STPG4: variants seen among roughly 807,000 people sequenced by gnomAD.
STPG4 encodes sperm-tail PG-rich repeat containing 4.
In STPG4, 41 loss-of-function variants were observed where a neutral mutation model predicts 31.5. The ratio of observed to expected loss-of-function variants is 1.30; its 90% CI spans 1.01 to 1.69. The LOEUF is 1.69. Among genes scored for constraint, STPG4 ranks in the 40% most tolerant of loss-of-function variants. STPG4 has a pLI of 0.00. For synonymous variants in STPG4, 141 were observed against 103.0 expected (o/e 1.37, Z -2.24); for missense variants, 375 against 293.4 (o/e 1.28, Z -2.03).
intron 2 of STPG4, 117 bp from the exon 3 acceptor site, chr2:47,151,632 A>G: frequency 2.5e-6 from 2 of 784,510 alleles, no homozygotes; most frequent in Non-Finnish European, 4.2e-6. Context: ...GTTTAATGAA[A>G]TTATATCAAA....
At chr2:47,113,547 TAAAAC>T (rs953877139) in intron 5 of STPG4, among the ~76,000 whole-genome samples, 2 of 152,302 alleles carry the variant, frequency 1.3e-5, no homozygotes, top group Non-Finnish European at 2.9e-5. Flanking sequence ...ACAGTCATAT[TAAAAC>T]AAATCAAACA....
rs376146434 is a variant in STPG4 at position 47,151,208 on chromosome 2, G to A, written c.399+50C>T. ...CTACGTATAAAAATACTTTCCTCAG[G>A]GGCTCTTAGTAGCTTTCCCACACAA... On this transcript the variant is annotated intron_variant, in intron 3 of 6. Transcript: ENST00000445927. 156 of 1,599,622 alleles carry A rather than the reference G, an allele frequency of 9.8e-5. 1 individual carries two copies. Among genetic ancestry groups the A allele is most frequent in the Non-Finnish European group, 1.3e-4 (149 of 1,172,896 alleles).
intron 5 of STPG4, among the ~76,000 whole-genome samples, chr2:47,100,220 C>T (rs991555597): frequency 1.4e-4 from 22 of 152,152 alleles, no homozygotes; most frequent in African/African-American, 2.7e-4. Flanking sequence ...ACGTGGAGAA[C>T]CTTTATGTCT....
At chr2:47,155,069 C>G (rs943974293) in intron 1 of STPG4, 102 bp downstream of exon 1, 6 of 1,091,906 alleles carry the variant, frequency 5.5e-6, no homozygotes, top group South Asian at 1.3e-5. Context: ...GAAGAGGGAA[C>G]GAGAGCGGCA....
intron 5 of STPG4, among the ~76,000 whole-genome samples, chr2:47,114,005 G>A (rs1243015202): frequency 6.6e-6 from 1 of 150,510 alleles, no homozygotes; most frequent in African/African-American, 2.4e-5. Flanking sequence ...CTCCAGCCTG[G>A]GCGACAAAGT....
At chr2:47,122,573 T>A (rs1487687561) in intron 5 of STPG4, among the ~76,000 whole-genome samples, 1 of 152,136 alleles carries the variant, frequency 6.6e-6, no homozygotes, top group Non-Finnish European at 1.5e-5. Context: ...TCTTTTCCTT[T>A]CCCTACTGAC....
intron 5 of STPG4, among the ~76,000 whole-genome samples, chr2:47,116,042 T>C (rs948006104): frequency 9.2e-5 from 14 of 152,170 alleles, no homozygotes; most frequent in African/African-American, 3.4e-4. Flanking sequence ...AACCCAGTCT[T>C]TTTCCTAGGG....
intron 5 of STPG4, among the ~76,000 whole-genome samples, chr2:47,097,034 G>A (rs1663770943): frequency 1.3e-5 from 2 of 152,128 alleles, no homozygotes; most frequent in African/African-American, 4.8e-5. Flanking sequence ...TTGAAGATAG[G>A]GAGGACACAG....
At chr2:47,121,268 G>A (rs149556098) in intron 5 of STPG4, 139 of 154,170 alleles carry the variant, frequency 9.0e-4, no homozygotes, top group African/African-American at 3.2e-3. Flanking sequence ...GTTTAGTTCT[G>A]AGGGGACTGC....
intron 3 of STPG4, among the ~76,000 whole-genome samples, chr2:47,137,983 C>G (rs547059969): frequency 6.6e-6 from 1 of 152,178 alleles, no homozygotes; most frequent in East Asian, 1.9e-4. Flanking sequence ...GACTTCTGCT[C>G]TAATTTTTAT....
chr2:47,104,153 C>T (rs1015294926), intron 5 of STPG4, among the ~76,000 whole-genome samples: 1 of 151,908 alleles, frequency 6.6e-6, no homozygotes, highest in African/African-American at 2.4e-5. Context: ...GGAATCAACC[C>T]TGAAGTCTGG....
intron 3 of STPG4, among the ~76,000 whole-genome samples, chr2:47,147,955 C>A (rs1326570720): frequency 1.3e-5 from 1 of 75,278 alleles, no homozygotes; most frequent in Non-Finnish European, 3.0e-5. Flanking sequence ...TATACATATT[C>A]CTTTTTTTTT....
At chr2:47,119,531 C>T (rs1434824015) in intron 5 of STPG4, among the ~76,000 whole-genome samples, 1 of 152,220 alleles carries the variant, frequency 6.6e-6, no homozygotes, top group Non-Finnish European at 1.5e-5. Flanking sequence ...TATTAACTCA[C>T]AGCCTTCATT....
At chr2:47,097,600 C>T (rs1685698979) in intron 5 of STPG4, among the ~76,000 whole-genome samples, 1 of 152,288 alleles carries the variant, frequency 6.6e-6, no homozygotes, top group African/African-American at 2.4e-5. Context: ...CTGCCCTTCG[C>T]CACGTGCAGA....
At chr2:47,128,453 C>T (rs1686406196) in intron 5 of STPG4, among the ~76,000 whole-genome samples, 1 of 152,086 alleles carries the variant, frequency 6.6e-6, no homozygotes, top group Admixed American at 6.5e-5. Context: ...GGCCTGGAGT[C>T]AGGAAACTTA....
chr2:47,133,163 C>A lies in STPG4; in HGVS notation c.400-2903G>T, dbSNP rs117657851. On this transcript the variant is annotated intron_variant, in intron 3 of 6. Coordinates refer to ENST00000445927, the MANE Select transcript of STPG4 (RefSeq NM_001163561.2). ...TATATATTTCTAACTCCAACATATG[C>A]TTCTCAGTTCTTTTTTTTTTTTGAG... is the stretch of plus-strand genomic sequence containing the variant. Among the ~76,000 whole-genome samples the A allele has an allele frequency of 2.0e-5, 3 of 151,040 alleles. No individual in the cohort carries two copies. The East Asian group carries it at 5.8e-4, about 29-fold the overall frequency.
intron 3 of STPG4, among the ~76,000 whole-genome samples, chr2:47,138,118 A>T (rs917231347): frequency 2.0e-5 from 3 of 152,052 alleles, no homozygotes; most frequent in Admixed American, 2.0e-4. Context: ...CAATACTATA[A>T]ATTTCCCTCT....
intron 3 of STPG4, among the ~76,000 whole-genome samples, chr2:47,149,529 T>C (rs1409365754): frequency 6.6e-6 from 1 of 152,224 alleles, no homozygotes; most frequent in Non-Finnish European, 1.5e-5. Flanking sequence ...GGATAAGATA[T>C]ACCTAATGAA....
At chr2:47,130,283 C>T in intron 3 of STPG4, 23 bp from the exon 4 acceptor site, 1 of 1,603,032 alleles carries the variant, frequency 6.2e-7, no homozygotes, top group South Asian at 1.1e-5. Flanking sequence ...GACAAGGACA[C>T]CAATAGATTA....
Sources: allele counts gnomAD v4.1 joint callset (sites outside exome capture counted in the v4.1 genomes callset), GRCh38; gene constraint gnomAD v4.1.1; transcripts MANE v1.5; gene names NCBI Gene and HGNC (gene_info 2026-07-23, HGNC 2026-07-21).